Variants in FAM131C observed in about 807,000 individuals in gnomAD.
FAM131C encodes family with sequence similarity 131 member C, also known as protein FAM131C.
Under a neutral mutation model 29.8 loss-of-function variants are expected in FAM131C, and 14 were observed. The observed-to-expected ratio is 0.47, with a 90% CI of 0.31 to 0.73. FAM131C has a LOEUF of 0.73. Ranked by LOEUF, FAM131C falls within the 30% of genes least tolerant of loss-of-function variation. The pLI is 0.05. For synonymous variants in FAM131C, 86 were observed against 157.8 expected, an observed-to-expected ratio of 0.54 and a Z score of 3.41; for missense variants, 252 against 383.8, an observed-to-expected ratio of 0.66 and a Z score of 2.87.
intron 4 of FAM131C, 135 bp from the exon 5 acceptor site, chr1:16,060,186 C>T (rs2023575185): frequency 3.8e-6 from 2 of 531,232 alleles, no homozygotes; most frequent in Non-Finnish European, 2.9e-6. Context: ...TCAGTGCCCC[C>T]ACACCTCCCC....
intron 2 of FAM131C, 77 bp downstream of exon 2, chr1:16,063,444 G>T: frequency 8.7e-7 from 1 of 1,143,396 alleles, no homozygotes; most frequent in Non-Finnish European, 1.3e-6. Flanking sequence ...GACTGGAATG[G>T]ATTCTGCTCC....
intron 1 of FAM131C, among the ~76,000 whole-genome samples, chr1:16,065,570 C>T (rs191058005): frequency 1.3e-5 from 2 of 152,362 alleles, no homozygotes; most frequent in Admixed American, 1.3e-4. Context: ...ACCTGTGGCT[C>T]TTTCTACAGG....
chr1:16,063,192 T>G (rs1286626263), intron 2 of FAM131C, among the ~76,000 whole-genome samples: 2 of 149,362 alleles, frequency 1.3e-5, no homozygotes, highest in African/African-American at 2.4e-5. Context: ...ACAAATTATA[T>G]GTATAACATA....
chr1:16,070,432 T>G (rs2023737000), intron 1 of FAM131C, among the ~76,000 whole-genome samples: 1 of 152,180 alleles, frequency 6.6e-6, no homozygotes, highest in Non-Finnish European at 1.5e-5. Context: ...GGATGTGGCT[T>G]AAAACCTCTG....
chr1:16,058,476 G>T lies in FAM131C; in HGVS notation c.804C>A (p.Ser268Arg). The stretch of plus-strand genomic sequence containing the variant: ...CCTCGTCCTCCTCCCAGAGGGAGCC[G>T]CTGTCCATGGAGGGGAGGGAGCCCG... ...HPPGSLPSMD[S>R]GSLWEEDEVF... is the part of the protein sequence containing the mutation. Residue 268 changes from serine to arginine, a missense_variant, in exon 7 of 7, where the codon AGC becomes AGA. This residue lies in a region of FAM131C where 42 missense variants were observed against 51.7 expected (regional missense o/e 0.81). Transcript: ENST00000375662. The T allele has an allele frequency of 6.7e-7, 1 of 1,487,552 alleles. No individual in the cohort carries two copies. The highest frequency in any genetic ancestry group is 8.9e-7 in the Non-Finnish European group (1 of 1,121,868). The allele number at this position is 1,487,552 out of a possible 1,614,324, so 92.1% of individuals were successfully genotyped here. A position where few individuals can be genotyped will look rare whatever the true frequency, so the allele number is the denominator to read the frequency against.
rs1024030912 is a variant in FAM131C at position 16,062,388 on chromosome 1, C to CCA, written c.174+110_174+111insTG. 6 of 1,227,664 alleles carry CCA rather than the reference C, an allele frequency of 4.9e-6. No homozygotes were observed. The African/African-American group carries it at 6.9e-5, about 14-fold the overall frequency. 76.0% of individuals were successfully genotyped at this position (1,227,664 alleles called of 1,614,324 possible). ...ACCCACTGTTTCATCAGGCCCCCCC[C>CCA]CCCCCCGCCCCAGGGCCAGCAGGAC... is the stretch of plus-strand genomic sequence containing the variant. On this transcript the variant is annotated intron_variant, in intron 3 of 6. Transcript: ENST00000375662.
At chr1:16,071,691 G>C (rs894781310) in intron 1 of FAM131C, among the ~76,000 whole-genome samples, 8 of 152,356 alleles carry the variant, frequency 5.3e-5, no homozygotes, top group Non-Finnish European at 1.0e-4. Context: ...GCTGCAGAAG[G>C]AAGGGTGGAG....
intron 1 of FAM131C, among the ~76,000 whole-genome samples, chr1:16,071,047 A>G (rs753516028): frequency 1.3e-5 from 2 of 152,234 alleles, no homozygotes; most frequent in Non-Finnish European, 2.9e-5. Context: ...GAGGCCTGCA[A>G]TCCTTGGCCT....
intron 1 of FAM131C, among the ~76,000 whole-genome samples, chr1:16,073,208 C>A (rs1489086631): frequency 1.3e-5 from 2 of 152,086 alleles, no homozygotes; most frequent in Non-Finnish European, 2.9e-5. Context: ...CAAACTGGGG[C>A]GGGGATGCGG....
At chr1:16,069,245 C>A (rs1205245483) in intron 1 of FAM131C, among the ~76,000 whole-genome samples, 2 of 152,164 alleles carry the variant, frequency 1.3e-5, no homozygotes, top group Non-Finnish European at 1.5e-5. Flanking sequence ...AGGGTTCATG[C>A]ATACTGCCTC....
intron 1 of FAM131C, among the ~76,000 whole-genome samples, chr1:16,069,695 G>A (rs1292923810): frequency 6.6e-6 from 1 of 152,218 alleles, no homozygotes; most frequent in Non-Finnish European, 1.5e-5. Context: ...ATTGGTTGCA[G>A]AGCCCCCAAC....
At chr1:16,072,489 A>G (rs1284261872) in intron 1 of FAM131C, among the ~76,000 whole-genome samples, 1 of 151,868 alleles carries the variant, frequency 6.6e-6, no homozygotes, top group East Asian at 1.9e-4. Flanking sequence ...AGCCACCCCC[A>G]CTCCCAGTCA....
In FAM131C at chr1:16,059,863, G is replaced by A. The variant is rs376924086; in HGVS notation, c.451+6C>T. 2.2e-5 allele frequency: 35 copies of A among 1,610,456 alleles called. No homozygotes were observed. In the Admixed American group the frequency reaches 3.0e-4, roughly 14 times the overall value. ...AGAGCCCTGGCCAGTCCCCCTCCTC[G>A]CTGACCTGCAGCAAAGCGGGCCTCA... On this transcript the variant is annotated splice_donor_region_variant and intron_variant, in intron 5 of 6. Transcript: ENST00000375662.
intron 1 of FAM131C, among the ~76,000 whole-genome samples, chr1:16,072,971 G>A (rs2023769022): frequency 6.6e-6 from 1 of 151,742 alleles, no homozygotes; most frequent in African/African-American, 2.4e-5. Flanking sequence ...GCAGATGGGG[G>A]CACCCGGTAA....
Position 16,073,463 on chromosome 1 carries a change from C to T in FAM131C, c.-21G>A, listed in dbSNP as rs1008628740. 2.0e-5 allele frequency: 24 copies of T among 1,200,290 alleles called. No individual in the cohort carries two copies. Among genetic ancestry groups the T allele is most frequent in the African/African-American group, 1.4e-4 (9 of 63,072 alleles). The allele number at this position is 1,200,290 out of a possible 1,614,324, so 74.4% of individuals were successfully genotyped here. On this transcript the variant is annotated 5_prime_UTR_variant, in exon 1 of 7. Transcript: ENST00000375662. ...CCCATCACGGGGCCGCGGGGCCGGG[C>T]CGCTGCGCCCGGGGTGCGTGGGGCC...
At position 16,058,203 on chromosome 1, in the gene FAM131C, A is replaced by C. The variant is rs2023514213; in HGVS notation, c.*234T>G. The C allele has an allele frequency of 2.7e-6, 1 of 372,146 alleles. No individual in the cohort carries two copies. The highest frequency in any genetic ancestry group is 4.8e-6 in the Non-Finnish European group (1 of 207,218). The allele number at this position is 372,146 out of a possible 1,614,324, so 23.1% of individuals were successfully genotyped here. On this transcript the variant is annotated 3_prime_UTR_variant, in exon 7 of 7. Coordinates refer to ENST00000375662, the MANE Select transcript of FAM131C (RefSeq NM_182623.3). ...AGACACCCTGCAGGGGAAGGTGCCC[A>C]CCTGAGTGAAGTAATGAAGGGGGAG...
intron 4 of FAM131C, among the ~76,000 whole-genome samples, chr1:16,060,683 G>C (rs1199239632): frequency 6.6e-6 from 1 of 152,210 alleles, no homozygotes; most frequent in Non-Finnish European, 1.5e-5. Context: ...GTAGTGTCTG[G>C]CGTGAGTCCA....
At chr1:16,068,654 G>A (rs2023712532) in intron 1 of FAM131C, among the ~76,000 whole-genome samples, 1 of 152,168 alleles carries the variant, frequency 6.6e-6, no homozygotes, top group African/African-American at 2.4e-5. Context: ...CCTGAGCCGT[G>A]ACAATAGCTC....
intron 1 of FAM131C, among the ~76,000 whole-genome samples, chr1:16,072,492 C>T (rs573551839): frequency 1.3e-5 from 2 of 152,164 alleles, no homozygotes; most frequent in South Asian, 4.1e-4. Context: ...CACCCCCACT[C>T]CCAGTCACAC....
Sources: gnomAD v4.1 joint callset for allele counts (sites outside exome capture counted in the v4.1 genomes callset) on GRCh38, gnomAD v4.1.1 for gene constraint, gnomAD v4.1.1 regional missense constraint, MANE v1.5 for transcripts, NCBI Gene and HGNC (gene_info 2026-07-23, HGNC 2026-07-21) for gene names.